Variants in ABCD2 observed in about 807,000 individuals in gnomAD.
ABCD2 encodes ATP-binding cassette sub-family D member 2.
Under a neutral mutation model 70.9 loss-of-function variants are expected in ABCD2, and 36 were observed. The ratio of observed to expected loss-of-function variants is 0.51; its 90% CI spans 0.39 to 0.67. The LOEUF (loss-of-function observed/expected upper bound fraction) is 0.67. ABCD2 is among the 30% of genes least tolerant of loss of function. The probability of loss-of-function intolerance (pLI) is 0.00; values close to 1 mark genes in which losing one functional copy is unlikely to be tolerated. For synonymous variants in ABCD2, 304 were observed against 306.9 expected (o/e 0.99, Z 0.10); for missense variants, 729 against 890.2 (o/e 0.82, Z 2.30).
chr12:39,615,954 A>G (rs767068138), intron 2 of ABCD2, among the ~76,000 whole-genome samples: 59 of 152,264 alleles, frequency 3.9e-4, no homozygotes, highest in South Asian at 4.1e-4. Flanking sequence ...CATGCTCTGT[A>G]CTTCATAAAC....
At chr12:39,600,222 C>T (rs1043682670) in intron 6 of ABCD2, among the ~76,000 whole-genome samples, 1 of 152,076 alleles carries the variant, frequency 6.6e-6, no homozygotes, top group African/African-American at 2.4e-5. Flanking sequence ...GAGCTGTATA[C>T]TTATCCGGGT....
chr12:39,617,931 A>G lies in ABCD2; in HGVS notation c.939+746T>C, dbSNP rs182039111. ...ACTGTTAGTATGTATAATTGGGCTAATTGTTTTAGGGATCTGCTTAATGTT... is the reference window on the plus strand; with the variant it reads ...ACTGTTAGTATGTATAATTGGGCTAGTTGTTTTAGGGATCTGCTTAATGTT... On this transcript the variant is annotated intron_variant, in intron 1 of 9. Transcript: ENST00000308666. Among the ~76,000 whole-genome samples the G allele has an allele frequency of 3.9e-3, 594 of 152,180 alleles. 4 individuals carry two copies. The highest frequency in any genetic ancestry group is 6.9e-3 in the Non-Finnish European group (466 of 67,986).
At chr12:39,569,495 A>G (rs182327647) in intron 9 of ABCD2, among the ~76,000 whole-genome samples, 35 of 152,246 alleles carry the variant, frequency 2.3e-4, no homozygotes, top group African/African-American at 8.2e-4. Flanking sequence ...TTAGGGTGGG[A>G]GTGACCCGAT....
rs1942160527 is a variant in ABCD2, at chr12:39,619,287, T to C, written c.329A>G (p.His110Arg). 1.2e-6 allele frequency: 2 copies of C among 1,614,054 alleles called. No homozygotes were observed. The highest frequency in any genetic ancestry group is 1.7e-6 in the Non-Finnish European group (2 of 1,180,048). Residue 110 changes from histidine (H) to arginine (R), a missense_variant, in exon 1 of 10, where the codon CAC becomes CGC. By Grantham distance (29) the His-to-Arg change is conservative (BLOSUM62 0). This residue lies in a region of ABCD2 where 245 missense variants were observed against 261.2 expected (regional missense o/e 0.94). Transcript: ENST00000308666. ...VTTETGWLCL[H>R]SVALISRTFL... is the part of the protein sequence containing the mutation. ...GGTTCTTGAGATTAGAGCCACTGAG[T>C]GCAGGCAGAGCCACCCTGTTTCAGT...
At chr12:39,608,944 A>G (rs1290686857) in intron 2 of ABCD2, among the ~76,000 whole-genome samples, 1 of 152,122 alleles carries the variant, frequency 6.6e-6, no homozygotes, top group Non-Finnish European at 1.5e-5. Flanking sequence ...TGGCATTTGT[A>G]TATGTGATTT....
chr12:39,613,242 C>A, intron 2 of ABCD2, among the ~76,000 whole-genome samples: 1 of 124,226 alleles, frequency 8.0e-6, no homozygotes, highest in Non-Finnish European at 1.6e-5. Context: ...AAAAATTAGC[C>A]GGGCGTAGTG....
intron 7 of ABCD2, among the ~76,000 whole-genome samples, chr12:39,580,956 G>C: frequency 6.6e-6 from 1 of 152,144 alleles, no homozygotes. Context: ...TCTTTTGCTG[G>C]TGAGAAGAAA....
At chr12:39,607,055 C>T (rs1406022678) in intron 3 of ABCD2, among the ~76,000 whole-genome samples, 2 of 151,924 alleles carry the variant, frequency 1.3e-5, no homozygotes, top group African/African-American at 2.4e-5. Flanking sequence ...AGGAAGAATG[C>T]GGAATGGTAA....
At chr12:39,618,239 T>TGGACAACAAAG (rs1942143986) in intron 1 of ABCD2, among the ~76,000 whole-genome samples, 1 of 152,158 alleles carries the variant, frequency 6.6e-6, no homozygotes, top group South Asian at 2.1e-4. Context: ...TCCCCCCTCT[T>TGGACAACAAAG]GGACAACAAA....
chr12:39,579,133 G>A (rs1371869973), intron 8 of ABCD2, among the ~76,000 whole-genome samples: 3 of 152,102 alleles, frequency 2.0e-5, no homozygotes, highest in African/African-American at 4.8e-5. Flanking sequence ...AGGCCAAGGC[G>A]GGCGGATCAC....
intron 8 of ABCD2, 108 bp from the exon 9 acceptor site, chr12:39,573,949 C>A (rs2120594790): frequency 1.8e-6 from 2 of 1,097,672 alleles, no homozygotes; most frequent in Non-Finnish European, 2.5e-6. Context: ...GCAAAAAAGA[C>A]TATGGCATTA....
intron 7 of ABCD2, among the ~76,000 whole-genome samples, chr12:39,585,129 A>G (rs542273302): frequency 5.3e-5 from 8 of 152,232 alleles, no homozygotes; most frequent in Non-Finnish European, 1.2e-4. Context: ...CATTTTAATG[A>G]TATTGATTCT....
intron 8 of ABCD2, among the ~76,000 whole-genome samples, chr12:39,575,049 T>C (rs1386571262): frequency 6.6e-6 from 1 of 152,198 alleles, no homozygotes; most frequent in Non-Finnish European, 1.5e-5. Context: ...TAAGCATTAC[T>C]TCTTTGTCTC....
At chr12:39,596,113 C>A (rs1307949427) in intron 6 of ABCD2, among the ~76,000 whole-genome samples, 1 of 152,048 alleles carries the variant, frequency 6.6e-6, no homozygotes, top group Non-Finnish European at 1.5e-5. Context: ...ATTATGCTAT[C>A]CAGAAGTGTC....
At chr12:39,569,739 G>C (rs1405967325) in intron 9 of ABCD2, among the ~76,000 whole-genome samples, 1 of 152,102 alleles carries the variant, frequency 6.6e-6, no homozygotes, top group Non-Finnish European at 1.5e-5. Flanking sequence ...TTGTAGACTG[G>C]AGCTGTTCCT....
intron 2 of ABCD2, 141 bp downstream of exon 2, chr12:39,616,847 T>C (rs1430286118): frequency 6.0e-6 from 4 of 666,138 alleles, no homozygotes; most frequent in East Asian, 6.3e-5. Flanking sequence ...CACTGGACGC[T>C]GTAAAGTCTG....
intron 6 of ABCD2, 120 bp downstream of exon 6, chr12:39,600,451 C>A: frequency 2.0e-6 from 2 of 1,017,296 alleles, no homozygotes; most frequent in Non-Finnish European, 2.8e-6. Context: ...TTTTTATTTC[C>A]TTAATAGTTT....
intron 9 of ABCD2, among the ~76,000 whole-genome samples, chr12:39,564,471 G>C (rs1057401148): frequency 1.3e-5 from 2 of 152,006 alleles, no homozygotes; most frequent in African/African-American, 4.8e-5. Flanking sequence ...CTTTTTGATG[G>C]GGTTGTTTGT....
At chr12:39,564,504 A>G (rs1191652196) in intron 9 of ABCD2, among the ~76,000 whole-genome samples, 1 of 151,866 alleles carries the variant, frequency 6.6e-6, no homozygotes, top group Non-Finnish European at 1.5e-5. Context: ...AATTTGTTGG[A>G]GTTCATTGTA....
Sources: allele counts gnomAD v4.1 joint callset (sites outside exome capture counted in the v4.1 genomes callset), GRCh38; gene constraint gnomAD v4.1.1; regional missense constraint gnomAD v4.1.1; transcripts MANE v1.5; gene names NCBI Gene and HGNC (gene_info 2026-07-23, HGNC 2026-07-21).